The following ECT2L variants were observed in gnomAD, a reference collection of about 807,000 sequenced individuals.
ECT2L encodes the protein epithelial cell transforming 2 like, also known as epithelial cell-transforming sequence 2 oncogene-like.
ECT2L carries 126 observed loss-of-function variants against 122.8 expected under a neutral mutation model. The ratio of observed to expected loss-of-function variants is 1.03; its 90% CI spans 0.89 to 1.19. ECT2L has a LOEUF of 1.19. Among genes scored for constraint, ECT2L ranks in the 50% most tolerant of loss-of-function variants. The probability of loss-of-function intolerance (pLI) is 0.00; values close to 1 mark genes in which losing one functional copy is unlikely to be tolerated. For missense variants in ECT2L, 1,012 were observed against 1,064.1 expected, an observed-to-expected ratio of 0.95 and a Z score of 0.68; for synonymous variants, 385 against 381.8, an observed-to-expected ratio of 1.01 and a Z score of -0.10.
intron 1 of ECT2L, among the ~76,000 whole-genome samples, chr6:138,804,308 T>C (rs925459035): frequency 5.9e-5 from 9 of 152,220 alleles, no homozygotes; most frequent in Admixed American, 5.9e-4. Context: ...ATAAAACAGA[T>C]ATTCCGTTTT....
intron 1 of ECT2L, among the ~76,000 whole-genome samples, chr6:138,803,336 ACACACAC>A (rs912936803): frequency 9.9e-5 from 15 of 152,102 alleles, no homozygotes; most frequent in Admixed American, 2.6e-4. Flanking sequence ...ACACACACAC[ACACACAC>A]AATATACTAT....
At chr6:138,801,550 G>A (rs986895726) in intron 1 of ECT2L, among the ~76,000 whole-genome samples, 2 of 152,230 alleles carry the variant, frequency 1.3e-5, no homozygotes, top group East Asian at 1.9e-4. Flanking sequence ...TCAGGAGTCC[G>A]AGACCAGTCT....
chr6:138,824,583 A>AAAAAC (rs1776378058), intron 4 of ECT2L, among the ~76,000 whole-genome samples: 1 of 150,976 alleles, frequency 6.6e-6, no homozygotes, highest in African/African-American at 2.4e-5. Flanking sequence ...AACAAAAACA[A>AAAAAC]AAAAAACACA....
intron 9 of ECT2L, among the ~76,000 whole-genome samples, chr6:138,850,276 T>C (rs1777389206): frequency 6.6e-6 from 1 of 152,038 alleles, no homozygotes; most frequent in South Asian, 2.1e-4. Context: ...TCCCAAGTAG[T>C]TGTGATTACA....
At chr6:138,815,489 T>C (rs1336491488) in intron 4 of ECT2L, among the ~76,000 whole-genome samples, 1 of 152,186 alleles carries the variant, frequency 6.6e-6, no homozygotes, top group African/African-American at 2.4e-5. Flanking sequence ...CAATGCCAGA[T>C]AAAAAGCCTT....
chr6:138,862,024 A>C (rs755783753), intron 10 of ECT2L, among the ~76,000 whole-genome samples: 12 of 152,162 alleles, frequency 7.9e-5, no homozygotes, highest in Non-Finnish European at 1.6e-4. Context: ...AGACTGTTTC[A>C]GCTTCAATAT....
At chr6:138,829,825 C>T (rs1056804679) in intron 4 of ECT2L, among the ~76,000 whole-genome samples, 1 of 151,922 alleles carries the variant, frequency 6.6e-6, no homozygotes, top group Non-Finnish European at 1.5e-5. Flanking sequence ...CGGGTTCCAG[C>T]GACTCTCCCA....
intron 11 of ECT2L, among the ~76,000 whole-genome samples, chr6:138,863,629 G>A (rs1278916245): frequency 7.3e-6 from 1 of 136,398 alleles, no homozygotes; most frequent in Non-Finnish European, 1.6e-5. Flanking sequence ...TTTTTTTTTT[G>A]AGACAGAGTC....
In ECT2L at chr6:138,873,890, G is replaced by GTGTGTGTGTGTGTA. The variant is rs1554276974; in HGVS notation, c.1579-2569_1579-2568insATGTGTGTGTGTGT. Among the ~76,000 whole-genome samples the GTGTGTGTGTGTGTA allele has an allele frequency of 4.4e-3, 581 of 130,710 alleles. 5 individuals carry two copies. Among genetic ancestry groups the GTGTGTGTGTGTGTA allele is most frequent in the African/African-American group, 0.014 (494 of 34,592 alleles). The allele number at this position is 130,710 out of a possible 152,430, so 85.8% of individuals were successfully genotyped here. On this transcript the variant is annotated intron_variant, in intron 13 of 21. Coordinates refer to ENST00000541398, the MANE Select transcript of ECT2L (RefSeq NM_001077706.3). ...TCCAGGACTGTGTGTGTGTGTGTGT[G>GTGTGTGTGTGTGTA]TGTGTGTGTGTGTGTGTGTGTGTGT...
intron 14 of ECT2L, among the ~76,000 whole-genome samples, chr6:138,878,167 T>A (rs1778518507): frequency 6.6e-6 from 1 of 152,182 alleles, no homozygotes; most frequent in Non-Finnish European, 1.5e-5. Flanking sequence ...GGATCCTCAC[T>A]TAAAGACAGA....
chr6:138,797,417 C>T (rs1176665954), intron 1 of ECT2L, among the ~76,000 whole-genome samples: 4 of 152,150 alleles, frequency 2.6e-5, no homozygotes, highest in Non-Finnish European at 5.9e-5. Context: ...AGGTACATAC[C>T]TCTGCCGAGG....
Position 138,849,268 on chromosome 6 carries a change from G to A in ECT2L, c.904-1G>A, listed in dbSNP as rs1392974082. On this transcript the variant is annotated splice_acceptor_variant, in intron 8 of 21. Transcript: ENST00000541398. LOFTEE classifies it high-confidence loss of function. ...CTTACAGCTTTGGTTTCATTCTCCAGATGGTGATGGAGAGTGTGAAGGCTG... is the reference window on the plus strand; with the variant it reads ...CTTACAGCTTTGGTTTCATTCTCCAAATGGTGATGGAGAGTGTGAAGGCTG... 1.9e-6 allele frequency: 3 copies of A among 1,602,672 alleles called. No homozygotes were observed.
At chr6:138,872,808 A>G (rs1315292582) in intron 13 of ECT2L, among the ~76,000 whole-genome samples, 1 of 152,110 alleles carries the variant, frequency 6.6e-6, no homozygotes, top group Non-Finnish European at 1.5e-5. Context: ...TTTATTCCTA[A>G]GGGTGAAGCT....
chr6:138,808,128 A>G (rs577189525), intron 1 of ECT2L, among the ~76,000 whole-genome samples: 1 of 152,164 alleles, frequency 6.6e-6, no homozygotes, highest in African/African-American at 2.4e-5. Flanking sequence ...TAGAAGAATC[A>G]ATATCTTCAC....
At chr6:138,815,131 C>A (rs1157621849) in intron 4 of ECT2L, among the ~76,000 whole-genome samples, 1 of 152,168 alleles carries the variant, frequency 6.6e-6, no homozygotes, top group Admixed American at 6.5e-5. Context: ...ACACTCAGCA[C>A]AGATGGTGTG....
intron 14 of ECT2L, among the ~76,000 whole-genome samples, chr6:138,879,957 G>GA (rs1221922267): frequency 1.5e-5 from 2 of 133,748 alleles, no homozygotes; most frequent in African/African-American, 5.1e-5. Flanking sequence ...CATATCAAAA[G>GA]AAAAAAATAA....
Position 138,846,646 on chromosome 6 carries a change from T to C in ECT2L, c.872T>C (p.Met291Thr). 6.2e-7 allele frequency: 1 copy of C among 1,608,178 alleles called. No individual in the cohort carries two copies. The highest frequency in any genetic ancestry group is 8.5e-7 in the Non-Finnish European group (1 of 1,177,708). The change falls in exon 8 of 22, where the codon ATG becomes ACG. Residue 291 changes from methionine (M) to threonine (T), a missense_variant. Met to Thr is a moderately conservative substitution (Grantham distance 81). Transcript: ENST00000541398. Reference sequence around the variant, plus strand: ...TCATATGCTCTCCGGCCACACTTCATGTTAATATCATCCCGGATTCCTGCG... The same window carrying C: ...TCATATGCTCTCCGGCCACACTTCACGTTAATATCATCCCGGATTCCTGCG... ...RSSYALRPHF[M>T]LISSRIPAYE...
intron 12 of ECT2L, among the ~76,000 whole-genome samples, chr6:138,866,973 C>T (rs564184505): frequency 8.6e-5 from 13 of 152,028 alleles, no homozygotes; most frequent in Non-Finnish European, 1.9e-4. Context: ...ACTTAGGAGG[C>T]TGAGGCACGA....
At chr6:138,832,383 G>A (rs1039401495) in intron 4 of ECT2L, among the ~76,000 whole-genome samples, 5 of 152,114 alleles carry the variant, frequency 3.3e-5, no homozygotes, top group Non-Finnish European at 5.9e-5. Context: ...ATTTTCCAAA[G>A]GGAGGATAAC....
Sources: gnomAD v4.1 joint callset for allele counts (sites outside exome capture counted in the v4.1 genomes callset) on GRCh38, gnomAD v4.1.1 for gene constraint, MANE v1.5 for transcripts, NCBI Gene and HGNC (gene_info 2026-07-23, HGNC 2026-07-21) for gene names.